The following HHIPL1 variants were observed in gnomAD, a reference collection of about 807,000 sequenced individuals.
HHIPL1 encodes the protein HHIP-like protein 1.
Under a neutral mutation model 61.8 loss-of-function variants are expected in HHIPL1, and 43 were observed. The ratio of observed to expected loss-of-function variants is 0.70; its 90% CI spans 0.55 to 0.90. HHIPL1 has a LOEUF of 0.90. Among genes scored for constraint, HHIPL1 ranks in the 40% least tolerant of loss-of-function variants. The probability of loss-of-function intolerance (pLI) is 0.00; values close to 1 mark genes in which losing one functional copy is unlikely to be tolerated. For missense variants in HHIPL1, 1,056 were observed against 1,157.7 expected, an observed-to-expected ratio of 0.91 and a Z score of 1.28; for synonymous variants, 482 against 515.8, an observed-to-expected ratio of 0.93 and a Z score of 0.89.
chr14:99,658,458 T>C (rs1220345364), intron 3 of HHIPL1, among the ~76,000 whole-genome samples: 5 of 152,064 alleles, frequency 3.3e-5, no homozygotes, highest in Non-Finnish European at 5.9e-5. Context: ...TGAAAGAGGA[T>C]ACTTGTTTGC....
the HHIPL1 span, among the ~76,000 whole-genome samples, chr14:99,638,218 C>A: frequency 2.0e-4 from 30 of 152,340 alleles, no homozygotes; most frequent in Non-Finnish European, 1.5e-4. Flanking sequence ...CACTCCCCAG[C>A]ACTCACGAGA....
At position 99,675,128 on chromosome 14, in the gene HHIPL1, A is replaced by G; in HGVS notation, c.1851A>G (p.Thr617=). Residue 617 remains threonine, a synonymous_variant, in exon 9 of 9, where the codon ACA becomes ACG. Transcript: ENST00000330710. This position sits in a 1 kb window ranked among gnomAD's most constrained non-coding sequence, Gnocchi z 5.4. ...IPKTRSTPRP[T]ARAPTRAPRR... ...AGACACGGAGCACCCCGCGGCCTAC[A>G]GCGCGGGCGCCCACGCGGGCGCCCC... The G allele has an allele frequency of 8.8e-7, 1 of 1,136,326 alleles. No homozygotes were observed. The allele number at this position is 1,136,326 out of a possible 1,614,324, so 70.4% of individuals were successfully genotyped here.
intron 1 of HHIPL1, among the ~76,000 whole-genome samples, chr14:99,646,524 C>T (rs148555581): frequency 0.017 from 2,524 of 152,294 alleles, 52 homozygotes; most frequent in African/African-American, 0.047. Context: ...CCTGTAATCC[C>T]AGCACTTTGG....
chr14:99,659,578 CT>C lies in HHIPL1; in HGVS notation c.1198del (p.Ser400ProfsTer90). On this transcript the variant is annotated frameshift_variant, in exon 4 of 9. Transcript: ENST00000330710. LOFTEE classifies it high-confidence loss of function. ...TGGGCGTGCGCAACATGTGGCGCTG[CT>C]CCTTCGACCGTGGCGACCCCTCCTC... ...ALGVRNMWRC[S>X]FDRGDPSSGT... The C allele has an allele frequency of 6.4e-7, 1 of 1,552,202 alleles. No individual in the cohort carries two copies. Among genetic ancestry groups the C allele is most frequent in the Non-Finnish European group, 8.7e-7 (1 of 1,151,920 alleles).
At chr14:99,659,813 C>CCCCCT in intron 4 of HHIPL1, 57 bp downstream of exon 4, 1 of 1,100,486 alleles carries the variant, frequency 9.1e-7, no homozygotes, top group South Asian at 2.1e-5. Context: ...CCCACCCCAC[C>CCCCCT]TGCTGTGCCG....
At chr14:99,647,833 T>G (rs1219088089) in intron 1 of HHIPL1, among the ~76,000 whole-genome samples, 1 of 152,144 alleles carries the variant, frequency 6.6e-6, no homozygotes, top group East Asian at 1.9e-4. Context: ...GGAGACTCTT[T>G]CCTGAGGCTT....
At chr14:99,637,571 CAAAA>C in the HHIPL1 span, among the ~76,000 whole-genome samples, 1 of 118,478 alleles carries the variant, frequency 8.4e-6, no homozygotes, top group South Asian at 2.7e-4. Context: ...GACTCCGTCT[CAAAA>C]AAAAAAAAAG....
At chr14:99,639,650 CTTGTTTTTTTGT>C in the HHIPL1 span, among the ~76,000 whole-genome samples, 2 of 151,324 alleles carry the variant, frequency 1.3e-5, no homozygotes, top group East Asian at 3.9e-4. Context: ...CCAGGTAGGC[CTTGTTTTTTTGT>C]TTGTTTTTTT....
chr14:99,605,126 C>T, the HHIPL1 span, among the ~76,000 whole-genome samples: 8 of 152,214 alleles, frequency 5.3e-5, no homozygotes, highest in African/African-American at 1.4e-4. Context: ...GCTCCACCTC[C>T]GCTCACTCGA....
At chr14:99,625,960 A>G in the HHIPL1 span, among the ~76,000 whole-genome samples, 1 of 152,202 alleles carries the variant, frequency 6.6e-6, no homozygotes, top group African/African-American at 2.4e-5. Flanking sequence ...CAAAATTCAA[A>G]GTCGTTGTGA....
chr14:99,637,111 G>GAAAGAAAGAAAGAAAAGAA, the HHIPL1 span, among the ~76,000 whole-genome samples: 2 of 118,054 alleles, frequency 1.7e-5, no homozygotes, highest in Non-Finnish European at 3.4e-5. Flanking sequence ...AAAAAAGAAA[G>GAAAGAAAGAAAGAAAAGAA]AAAGAAAGAA....
chr14:99,675,269 G>T lies in HHIPL1; in HGVS notation c.1992G>T (p.Ala664=). 8.0e-7 allele frequency: 1 copy of T among 1,249,836 alleles called. No homozygotes were observed. The highest frequency in any genetic ancestry group is 1.0e-6 in the Non-Finnish European group (1 of 998,136). The allele number at this position is 1,249,836 out of a possible 1,614,324, so 77.4% of individuals were successfully genotyped here. A position where few individuals can be genotyped will look rare whatever the true frequency, so the allele number is the denominator to read the frequency against. ...GGRRRGRLNS[A]SRAFRDGEVR... is the part of the protein sequence containing the mutation. ...GGCGGCGGGGGCGGCTGAACTCGGC[G>T]AGCCGGGCGTTCCGGGATGGCGAGG... is the stretch of plus-strand genomic sequence containing the variant. Residue 664 remains alanine (A), a synonymous_variant, in exon 9 of 9, where the codon GCG becomes GCT. Coordinates refer to ENST00000330710, the MANE Select transcript of HHIPL1 (RefSeq NM_001127258.3). This position sits in a 1 kb window ranked among gnomAD's most constrained non-coding sequence, Gnocchi z 5.4.
intron 8 of HHIPL1, 58 bp downstream of exon 8, chr14:99,672,457 GGCTGCC>G: frequency 4.2e-6 from 6 of 1,435,316 alleles, no homozygotes; most frequent in Non-Finnish European, 5.8e-6. Flanking sequence ...AGCCCACAAC[GGCTGCC>G]TTTCCAGCCA....
chr14:99,673,004 A>G (rs1408337003), intron 8 of HHIPL1, among the ~76,000 whole-genome samples: 2 of 152,206 alleles, frequency 1.3e-5, no homozygotes, highest in African/African-American at 4.8e-5. Context: ...ACGGCGAGAC[A>G]CTGCAGTCCT....
Position 99,678,315 on chromosome 14 carries a change from A to T in HHIPL1, c.*2689A>T, listed in dbSNP as rs778257040. ...GGAGACCTCTGCCCTAGGTAGTAAT[A>T]AGAGTGGACAGCTGTTATATGTAAA... On this transcript the variant is annotated 3_prime_UTR_variant, in exon 9 of 9. Coordinates refer to ENST00000330710, the MANE Select transcript of HHIPL1 (RefSeq NM_001127258.3). 2.6e-5 allele frequency: 4 copies of T among 152,176 alleles called. No homozygotes were observed. The highest frequency in any genetic ancestry group is 5.9e-5 in the Non-Finnish European group (4 of 68,022). The allele number at this position is 152,176 out of a possible 1,614,324, so 9.4% of individuals were successfully genotyped here.
At chr14:99,637,046 A>AGAAG in the HHIPL1 span, among the ~76,000 whole-genome samples, 156 of 92,366 alleles carry the variant, frequency 1.7e-3, 1 homozygote, top group Middle Eastern at 5.0e-3. Flanking sequence ...AAAGAAAGAA[A>AGAAG]GAAGGAAGGA....
chr14:99,626,066 C>T, the HHIPL1 span, among the ~76,000 whole-genome samples: 2 of 151,996 alleles, frequency 1.3e-5, no homozygotes, highest in East Asian at 1.9e-4. Flanking sequence ...GAGGATCGGG[C>T]GGCCTGATGC....
the HHIPL1 span, among the ~76,000 whole-genome samples, chr14:99,615,003 A>C: frequency 6.6e-6 from 1 of 152,152 alleles, no homozygotes; most frequent in Non-Finnish European, 1.5e-5. Context: ...TCACAACACC[A>C]GGGTTGAGAA....
At chr14:99,629,971 T>G in the HHIPL1 span, among the ~76,000 whole-genome samples, 5 of 152,058 alleles carry the variant, frequency 3.3e-5, no homozygotes, top group Non-Finnish European at 5.9e-5. Context: ...AACTATTTAC[T>G]TGCCTGCCTC....
Sources: allele counts gnomAD v4.1 joint callset (sites outside exome capture counted in the v4.1 genomes callset), GRCh38; gene constraint gnomAD v4.1.1; non-coding constraint Gnocchi (gnomAD v3.1); transcripts MANE v1.5; gene names NCBI Gene and HGNC (gene_info 2026-07-23, HGNC 2026-07-21).